Variants in RILPL2 observed in about 807,000 individuals in gnomAD.
The protein encoded by RILPL2 is Rab interacting lysosomal protein like 2, also known as RILP-like protein 2.
In RILPL2, 19 loss-of-function variants were observed where a neutral mutation model predicts 22.2. The observed-to-expected ratio is 0.86, with a 90% confidence interval of 0.60 to 1.25. RILPL2 has a LOEUF of 1.25. Among genes scored for constraint, RILPL2 ranks in the 50% most tolerant of loss-of-function variants. The pLI is 0.00. For missense variants in RILPL2, 243 were observed against 263.6 expected (o/e 0.92, Z 0.54); for synonymous variants, 123 against 111.6 (o/e 1.10, Z -0.64).
intron 2 of RILPL2, among the ~76,000 whole-genome samples, chr12:123,430,043 G>A (rs1238795076): frequency 1.5e-5 from 2 of 133,924 alleles, no homozygotes; most frequent in Non-Finnish European, 3.1e-5. Context: ...TTGAACCCAT[G>A]AGACAGAGGT....
At chr12:123,433,052 A>G (rs929989174) in intron 1 of RILPL2, among the ~76,000 whole-genome samples, 1 of 151,456 alleles carries the variant, frequency 6.6e-6, no homozygotes, top group Non-Finnish European at 1.5e-5. Flanking sequence ...TTCCATGTGA[A>G]TTTCAGTGAC....
In RILPL2 at chr12:123,436,191, G is replaced by C; in HGVS notation, c.230C>G (p.Ala77Gly). Residue 77 changes from alanine (A) to glycine (G), a missense_variant, in exon 1 of 4, where the codon GCG becomes GGG. Physicochemically the swap from Ala to Gly is moderately conservative, Grantham distance 60 (BLOSUM62 0). Coordinates refer to ENST00000280571, the MANE Select transcript of RILPL2 (RefSeq NM_145058.3). The surrounding 1 kb of genome is among the most constrained non-coding windows in gnomAD (Gnocchi z 6.7). Reference protein sequence around the residue: ...KVVRVLEMLEALVNEGSLALE... With the variant: ...KVVRVLEMLEGLVNEGSLALE... ...CGCCAGGCTGCCCTCATTCACCAGC[G>C]CCTCCAGCATCTCCAGGACGCGGAC... is the stretch of plus-strand genomic sequence containing the variant. The C allele has an allele frequency of 5.0e-6, 8 of 1,611,524 alleles. No homozygotes were observed. The highest frequency in any genetic ancestry group is 5.9e-6 in the Non-Finnish European group (7 of 1,179,044).
At chr12:123,424,254 TAGG>T (rs1318431488) in intron 2 of RILPL2, among the ~76,000 whole-genome samples, 2 of 151,936 alleles carry the variant, frequency 1.3e-5, no homozygotes, top group Non-Finnish European at 2.9e-5. Context: ...TATATTCCAG[TAGG>T]AGAAGGAAAC....
chr12:123,420,561 C>T (rs200362684), intron 3 of RILPL2, among the ~76,000 whole-genome samples: 2 of 151,430 alleles, frequency 1.3e-5, no homozygotes, highest in African/African-American at 2.4e-5. Context: ...CTCAGCCTCC[C>T]GAGTAGCTGG....
chr12:123,424,320 A>G (rs1352747284), intron 2 of RILPL2, among the ~76,000 whole-genome samples: 1 of 149,664 alleles, frequency 6.7e-6, no homozygotes, highest in Admixed American at 7.0e-5. Flanking sequence ...TCAGATGTTG[A>G]TAAGAGTTAG....
At chr12:123,425,792 G>A (rs1879428518) in intron 2 of RILPL2, among the ~76,000 whole-genome samples, 1 of 151,788 alleles carries the variant, frequency 6.6e-6, no homozygotes, top group African/African-American at 2.4e-5. Context: ...TGGGATTACA[G>A]GTGCACGCCA....
chr12:123,434,551 G>C (rs996620791), intron 1 of RILPL2, among the ~76,000 whole-genome samples: 1 of 151,664 alleles, frequency 6.6e-6, no homozygotes, highest in Non-Finnish European at 1.5e-5. Flanking sequence ...AGCCTCCCGA[G>C]TAGCTGGGAT....
chr12:123,411,817 C>T (rs1878984357), downstream of RILPL2: 1 of 151,960 alleles, frequency 6.6e-6, no homozygotes, highest in Non-Finnish European at 1.5e-5. Flanking sequence ...AGCCACTGCA[C>T]CCGGCGAAAA....
chr12:123,419,544 C>G lies in RILPL2; in HGVS notation c.605+3500G>C, dbSNP rs80104648. On this transcript the variant is annotated intron_variant, in intron 3 of 3. Coordinates refer to ENST00000280571, the MANE Select transcript of RILPL2 (RefSeq NM_145058.3). ...TCCTTGGGCATTTCCCACAGCCAGGCTGAAACTGCCTGTTGCTCCAGTTCT... is the reference window on the plus strand; with the variant it reads ...TCCTTGGGCATTTCCCACAGCCAGGGTGAAACTGCCTGTTGCTCCAGTTCT... Among the ~76,000 whole-genome samples the G allele has an allele frequency of 6.7e-3, 1,016 of 151,710 alleles. 6 individuals are homozygous for G. The highest frequency in any genetic ancestry group is 0.022 in the African/African-American group (909 of 41,372).
At chr12:123,423,445 T>C (rs1337390075) in intron 2 of RILPL2, among the ~76,000 whole-genome samples, 1 of 151,848 alleles carries the variant, frequency 6.6e-6, no homozygotes, top group African/African-American at 2.4e-5. Flanking sequence ...AAGTGATCCA[T>C]CTGCCTCAGA....
intron 3 of RILPL2, among the ~76,000 whole-genome samples, chr12:123,421,393 T>C (rs1329023363): frequency 6.6e-6 from 1 of 152,078 alleles, no homozygotes; most frequent in Non-Finnish European, 1.5e-5. Context: ...CCAGTCCTAC[T>C]TCATCTCATC....
chr12:123,427,184 C>A (rs1438827897), intron 2 of RILPL2, among the ~76,000 whole-genome samples: 1 of 152,106 alleles, frequency 6.6e-6, no homozygotes, highest in African/African-American at 2.4e-5. Context: ...GGGCCATTGG[C>A]GGAGGGCTGT....
At chr12:123,430,477 G>T in intron 2 of RILPL2, 31 bp downstream of exon 2, 2 of 1,558,580 alleles carry the variant, frequency 1.3e-6, no homozygotes, top group Non-Finnish European at 1.7e-6. Context: ...GCCAGGTCTG[G>T]GTGCAGGACC....
chr12:123,435,973 A>G (rs1879781418), intron 1 of RILPL2, 109 bp downstream of exon 1: 5 of 1,414,850 alleles, frequency 3.5e-6, no homozygotes, highest in Non-Finnish European at 4.6e-6. Context: ...TAAAAAAAGA[A>G]AAAAGAGAAA....
In RILPL2 at chr12:123,430,619, T is replaced by A; in HGVS notation, c.380A>T (p.Asp127Val). 6.2e-7 allele frequency: 1 copy of A among 1,608,472 alleles called. No homozygotes were observed. Among genetic ancestry groups the A allele is most frequent in the Non-Finnish European group, 8.5e-7 (1 of 1,176,428 alleles). Residue 127 changes from aspartate to valine, a missense_variant, in exon 2 of 4, where the codon GAT (aspartate) becomes GTT (valine). Asp to Val is a radical substitution (Grantham distance 152). Coordinates refer to ENST00000280571, the MANE Select transcript of RILPL2 (RefSeq NM_145058.3). ...CAGAGTGAAGCGGGGTCGGTTGGGA[T>A]CTGTCAGGTCAACCACCATTTTGTT... ...GPNKMVVDLT[D>V]PNRPRFTLQE...
chr12:123,421,915 G>T (rs1200598190), intron 3 of RILPL2, among the ~76,000 whole-genome samples: 1 of 151,432 alleles, frequency 6.6e-6, no homozygotes, highest in Non-Finnish European at 1.5e-5. Flanking sequence ...TGATCTGCCC[G>T]CCTCAGCCTC....
At chr12:123,434,133 AC>A (rs1247356554) in intron 1 of RILPL2, among the ~76,000 whole-genome samples, 1 of 152,094 alleles carries the variant, frequency 6.6e-6, no homozygotes, top group African/African-American at 2.4e-5. Flanking sequence ...AATTTTAAAA[AC>A]TAGGCTGGGC....
chr12:123,410,724 A>G (rs535812401), downstream of RILPL2: 13 of 152,276 alleles, frequency 8.5e-5, no homozygotes, highest in African/African-American at 3.1e-4. Context: ...AAAAAAAAAA[A>G]AAACAACACT....
chr12:123,419,673 T>A (rs1007886077), intron 3 of RILPL2, among the ~76,000 whole-genome samples: 3 of 151,146 alleles, frequency 2.0e-5, no homozygotes, highest in African/African-American at 7.3e-5. Flanking sequence ...GGGTGTGATC[T>A]CAGCTCACTG....
Sources: gnomAD v4.1 joint callset for allele counts (sites outside exome capture counted in the v4.1 genomes callset) on GRCh38, gnomAD v4.1.1 for gene constraint, Gnocchi (gnomAD v3.1) non-coding constraint, MANE v1.5 for transcripts, NCBI Gene and HGNC (gene_info 2026-07-23, HGNC 2026-07-21) for gene names.